FHOD3: variants seen among roughly 807,000 people sequenced by gnomAD.
The protein encoded by FHOD3 is FH1/FH2 domain-containing protein 3.
A neutral mutation model predicts 173.0 loss-of-function variants in FHOD3; 90 were observed. That is an observed-to-expected ratio of 0.52 (90% CI 0.44 to 0.62). The LOEUF is 0.62. FHOD3 is among the 20% of genes least tolerant of loss of function. The pLI is 0.00. For synonymous variants in FHOD3, 828 were observed against 823.0 expected (o/e 1.01, Z -0.10); for missense variants, 1,945 against 2,034.7 (o/e 0.96, Z 0.85).
chr18:36,731,211 G>A (rs751366908), intron 20 of FHOD3, among the ~76,000 whole-genome samples: 65 of 152,292 alleles, frequency 4.3e-4, no homozygotes, highest in Non-Finnish European at 8.4e-4. Context: ...CATTTGTTGG[G>A]GTACAGAGAG....
chr18:36,399,790 A>T lies in FHOD3; in HGVS notation c.337+27046A>T, dbSNP rs573614096. 2.0e-5 allele frequency among the ~76,000 whole-genome samples: 3 copies of T among 152,334 alleles called. No individual in the cohort carries two copies. In the South Asian group the frequency reaches 6.2e-4, roughly 32 times the overall value. ...TGGGAATCCAGGATCAACTGTTTAT[A>T]GCCACCGCCAGGAAGATGCTCTGAG... is the stretch of plus-strand genomic sequence containing the variant. On this transcript the variant is annotated intron_variant, in intron 3 of 28. Coordinates refer to ENST00000590592, the MANE Select transcript of FHOD3 (RefSeq NM_001281740.3).
At chr18:36,692,845 C>T (rs546026799) in intron 16 of FHOD3, 15 of 244,676 alleles carry the variant, frequency 6.1e-5, no homozygotes, top group East Asian at 4.0e-4. Context: ...CTGTGAGCTC[C>T]GAGGGGGTTT....
chr18:36,589,860 A>G (rs572151225), intron 6 of FHOD3, among the ~76,000 whole-genome samples: 51 of 152,010 alleles, frequency 3.4e-4, no homozygotes, highest in Non-Finnish European at 6.5e-4. Flanking sequence ...AATGAGAATC[A>G]ATTCCAATTG....
intron 7 of FHOD3, among the ~76,000 whole-genome samples, chr18:36,600,474 T>C (rs1017493630): frequency 6.6e-6 from 1 of 152,156 alleles, no homozygotes; most frequent in Non-Finnish European, 1.5e-5. Flanking sequence ...TTACCTTCAT[T>C]GTAAATATTT....
chr18:36,653,452 T>C, intron 13 of FHOD3, 36 bp downstream of exon 13: 1 of 1,410,890 alleles, frequency 7.1e-7, no homozygotes, highest in Non-Finnish European at 9.6e-7. Context: ...TTTCTGTAGC[T>C]TTCTGTTTTA....
intron 1 of FHOD3, among the ~76,000 whole-genome samples, chr18:36,326,717 C>T (rs1179837419): frequency 2.6e-5 from 4 of 152,180 alleles, no homozygotes; most frequent in Non-Finnish European, 4.4e-5. Context: ...CACCACTGCA[C>T]TTCAGCCTGG....
intron 1 of FHOD3, among the ~76,000 whole-genome samples, chr18:36,319,066 A>G (rs1442208561): frequency 1.3e-5 from 2 of 152,166 alleles, no homozygotes; most frequent in African/African-American, 4.8e-5. Context: ...CATTCCAGGG[A>G]TGAAACTGAC....
chr18:36,434,151 T>G (rs1194708703), intron 3 of FHOD3, among the ~76,000 whole-genome samples: 1 of 152,240 alleles, frequency 6.6e-6, no homozygotes, highest in African/African-American at 2.4e-5. Flanking sequence ...GTTTTATGTT[T>G]GCCTATCTGA....
intron 27 of FHOD3, among the ~76,000 whole-genome samples, chr18:36,763,515 CACGTT>C: frequency 7.2e-6 from 1 of 138,096 alleles, no homozygotes; most frequent in African/African-American, 2.6e-5. Context: ...GTGTATTATA[CACGTT>C]ATATATAATA....
intron 18 of FHOD3, among the ~76,000 whole-genome samples, chr18:36,716,893 CGGG>C (rs879670038): frequency 6.8e-6 from 1 of 147,014 alleles, no homozygotes; most frequent in Non-Finnish European, 1.5e-5. Flanking sequence ...TTTTTTAAGA[CGGG>C]GGAAATTATA....
chr18:36,520,922 T>C (rs944647630), intron 5 of FHOD3, among the ~76,000 whole-genome samples: 6 of 152,238 alleles, frequency 3.9e-5, no homozygotes, highest in Non-Finnish European at 8.8e-5. Flanking sequence ...CAGTAGACTT[T>C]TCCAGAGGAG....
rs190370748 is a variant in FHOD3, at chr18:36,632,488, C to T, written c.1196+6739C>T. On this transcript the variant is annotated intron_variant, in intron 10 of 28. Coordinates refer to ENST00000590592, the MANE Select transcript of FHOD3 (RefSeq NM_001281740.3). ...AAGTAGAATATAAGTATTCTTTACA[C>T]ATTTTAGATATTAATATTTTGACCA... 1.7e-3 allele frequency among the ~76,000 whole-genome samples: 265 copies of T among 152,286 alleles called. 2 individuals are homozygous for T. The highest frequency in any genetic ancestry group is 3.7e-4 in the Non-Finnish European group (25 of 68,024).
rs182692887 is a variant in FHOD3 at position 36,637,033 on chromosome 18, G to A, written c.1196+11284G>A. Among the ~76,000 whole-genome samples the A allele has an allele frequency of 3.9e-5, 6 of 152,090 alleles. No homozygotes were observed. The East Asian group carries it at 9.6e-4, about 24-fold the overall frequency. On this transcript the variant is annotated intron_variant, in intron 10 of 28. Transcript: ENST00000590592. ...TTGGACTCTACCTTTGTTTTTGTTT[G>A]CATTTATGGACTTGGGTCCACATCC...
intron 3 of FHOD3, among the ~76,000 whole-genome samples, chr18:36,415,704 A>C (rs899617922): frequency 2.0e-5 from 3 of 152,232 alleles, no homozygotes; most frequent in African/African-American, 7.2e-5. Context: ...AATTATCAGC[A>C]TGTTTCTCAA....
At chr18:36,775,191 A>AATCTTTGGG (rs1396955949) in intron 28 of FHOD3, among the ~76,000 whole-genome samples, 1 of 152,198 alleles carries the variant, frequency 6.6e-6, no homozygotes, top group Non-Finnish European at 1.5e-5. Flanking sequence ...CCTGGTAGAA[A>AATCTTTGGG]ATCTTTGGGA....
intron 2 of FHOD3, among the ~76,000 whole-genome samples, chr18:36,366,645 G>A (rs1335608332): frequency 2.0e-5 from 3 of 152,164 alleles, no homozygotes; most frequent in Non-Finnish European, 4.4e-5. Context: ...TAATGTAGTG[G>A]CAACTGCCTC....
At chr18:36,700,668 T>C (rs1054852828) in intron 17 of FHOD3, among the ~76,000 whole-genome samples, 1 of 151,924 alleles carries the variant, frequency 6.6e-6, no homozygotes, top group Non-Finnish European at 1.5e-5. Context: ...CAACCCAATT[T>C]AAAAAAAAGA....
intron 3 of FHOD3, among the ~76,000 whole-genome samples, chr18:36,456,778 G>T (rs981437087): frequency 8.5e-5 from 13 of 152,076 alleles, no homozygotes; most frequent in African/African-American, 2.9e-4. Flanking sequence ...CTCAGCTCTT[G>T]CCTGCCCATG....
intron 3 of FHOD3, among the ~76,000 whole-genome samples, chr18:36,390,847 G>A (rs1451957411): frequency 6.6e-6 from 1 of 152,208 alleles, no homozygotes; most frequent in Admixed American, 6.5e-5. Context: ...ACTCTTGGGG[G>A]TGGGGAGAAA....
Sources: allele counts gnomAD v4.1 joint callset (sites outside exome capture counted in the v4.1 genomes callset), GRCh38; gene constraint gnomAD v4.1.1; transcripts MANE v1.5; gene names NCBI Gene and HGNC (gene_info 2026-07-23, HGNC 2026-07-21).